The following WDR72 variants were observed in gnomAD, a reference collection of about 807,000 sequenced individuals.
The protein encoded by WDR72 is WD repeat domain 72, also known as WD repeat-containing protein 72.
Under a neutral mutation model 124.2 loss-of-function variants are expected in WDR72, and 120 were observed. The ratio of observed to expected loss-of-function variants is 0.97; its 90% CI spans 0.83 to 1.12. The LOEUF is 1.12. WDR72 is among the 50% of genes most tolerant of loss of function. WDR72 has a pLI of 0.00. For missense variants in WDR72, 1,387 were observed against 1,278.8 expected (o/e 1.08, Z -1.29); for synonymous variants, 452 against 441.7 (o/e 1.02, Z -0.29).
At chr15:53,654,258 A>T (rs1028545580) in intron 14 of WDR72, among the ~76,000 whole-genome samples, 9 of 152,214 alleles carry the variant, frequency 5.9e-5, no homozygotes, top group Non-Finnish European at 2.9e-5. Flanking sequence ...ATGATGTATC[A>T]TTCATACATA....
Position 53,705,209 on chromosome 15 carries a change from G to T in WDR72, c.1127C>A (p.Thr376Asn). 1 of 1,613,674 alleles carries T rather than the reference G, an allele frequency of 6.2e-7. No individual in the cohort carries two copies. Among genetic ancestry groups the T allele is most frequent in the Non-Finnish European group, 8.5e-7 (1 of 1,179,996 alleles). The stretch of plus-strand genomic sequence containing the variant: ...ATGCTTATCAAAATTATCTTGAAGA[G>T]TCCAGGTGGCAGTTACTGGTATCTC... ...PREIPVTATW[T>N]LQDNFDKHDT... is the part of the protein sequence containing the mutation. Residue 376 changes from threonine to asparagine, a missense_variant, in exon 11 of 20, where the codon ACT becomes AAT. Transcript: ENST00000360509.
chr15:53,539,316 T>G (rs534559160), intron 18 of WDR72, among the ~76,000 whole-genome samples: 4 of 152,230 alleles, frequency 2.6e-5, no homozygotes, highest in African/African-American at 9.6e-5. Flanking sequence ...AATATACATT[T>G]ACCTGTAGAA....
At chr15:53,706,193 T>A in intron 9 of WDR72, 119 bp from the exon 10 acceptor site, 2 of 1,147,318 alleles carry the variant, frequency 1.7e-6, no homozygotes, top group South Asian at 2.9e-5. Flanking sequence ...TATTTCCCAC[T>A]CTTTTGACAT....
chr15:53,713,628 T>G (rs1204080547), intron 6 of WDR72, among the ~76,000 whole-genome samples: 2 of 151,686 alleles, frequency 1.3e-5, no homozygotes, highest in Non-Finnish European at 2.9e-5. Context: ...ATTTTTTTTT[T>G]TGTATTTTTA....
At chr15:53,757,054 T>C (rs1435177877) in intron 1 of WDR72, among the ~76,000 whole-genome samples, 1 of 152,186 alleles carries the variant, frequency 6.6e-6, no homozygotes, top group African/African-American at 2.4e-5. Flanking sequence ...AAGATATCTC[T>C]CTCATTTTGA....
intron 14 of WDR72, among the ~76,000 whole-genome samples, chr15:53,629,639 C>T (rs962579780): frequency 6.6e-6 from 1 of 152,114 alleles, no homozygotes; most frequent in Non-Finnish European, 1.5e-5. Context: ...GCAAAAAGAT[C>T]TTGAGAAATA....
intron 14 of WDR72, among the ~76,000 whole-genome samples, chr15:53,654,396 A>C (rs491567): frequency 0.34 from 51,997 of 152,122 alleles, 10,718 homozygotes; most frequent in African/African-American, 0.56. Context: ...AGATTTTATT[A>C]ATTAGTGAAA....
chr15:53,526,539 C>T (rs1441672102), intron 18 of WDR72, among the ~76,000 whole-genome samples: 1 of 152,026 alleles, frequency 6.6e-6, no homozygotes, highest in Non-Finnish European at 1.5e-5. Context: ...ATTCTTCTCA[C>T]CTGTGAAAGT....
chr15:53,738,895 C>T (rs2140630498), intron 1 of WDR72, among the ~76,000 whole-genome samples: 2 of 152,296 alleles, frequency 1.3e-5, no homozygotes, highest in South Asian at 4.1e-4. Context: ...GCGTGAGCCA[C>T]TGTACCCAGC....
chr15:53,673,709 G>T (rs2016070618), intron 13 of WDR72, among the ~76,000 whole-genome samples: 1 of 152,162 alleles, frequency 6.6e-6, no homozygotes, highest in African/African-American at 2.4e-5. Context: ...AGCATATAGG[G>T]CCGGGTGCAG....
intron 13 of WDR72, among the ~76,000 whole-genome samples, chr15:53,690,396 A>G (rs1461612855): frequency 6.6e-6 from 1 of 152,124 alleles, no homozygotes; most frequent in Non-Finnish European, 1.5e-5. Context: ...CATCTTCCCA[A>G]AAGAATCCCC....
At chr15:53,568,153 T>C (rs1300875936) in intron 18 of WDR72, among the ~76,000 whole-genome samples, 3 of 151,166 alleles carry the variant, frequency 2.0e-5, no homozygotes, top group Admixed American at 6.6e-5. Flanking sequence ...TAAAAATAGG[T>C]AAATTTAAAA....
At position 53,613,694 on chromosome 15, in the gene WDR72, C is replaced by T. The variant is rs772379047; in HGVS notation, c.2844G>A (p.Met948Ile). 4 of 1,610,704 alleles carry T rather than the reference C, an allele frequency of 2.5e-6. No individual in the cohort carries two copies. Among genetic ancestry groups the T allele is most frequent in the Non-Finnish European group, 3.4e-6 (4 of 1,178,092 alleles). ...MRGAGNDILN[M>I]SSFYSCLRNG... is the part of the protein sequence containing the mutation. ...TTCGTAAGCAACTGTAGAAGCTTGA[C>T]ATATTTAAAATGTCATTCCCAGCAC... The change falls in exon 16 of 20, where the codon ATG becomes ATA. Residue 948 changes from methionine (M) to isoleucine (I), a missense_variant. Transcript: ENST00000360509.
intron 18 of WDR72, among the ~76,000 whole-genome samples, chr15:53,566,191 G>T (rs1164899328): frequency 1.3e-5 from 2 of 151,944 alleles, no homozygotes; most frequent in Non-Finnish European, 2.9e-5. Context: ...AAGACAAAAT[G>T]AAACAGAGGC....
At chr15:53,604,758 A>C (rs939566355) in intron 17 of WDR72, among the ~76,000 whole-genome samples, 1 of 152,246 alleles carries the variant, frequency 6.6e-6, no homozygotes, top group Admixed American at 6.5e-5. Context: ...GAGAAATGCA[A>C]ATCAAAACCA....
intron 14 of WDR72, among the ~76,000 whole-genome samples, chr15:53,622,767 T>C (rs1010494352): frequency 6.6e-6 from 1 of 151,274 alleles, no homozygotes; most frequent in Non-Finnish European, 1.5e-5. Flanking sequence ...ATCCTGCATA[T>C]GTATCCCAGA....
intron 14 of WDR72, among the ~76,000 whole-genome samples, chr15:53,658,326 T>C (rs878960634): frequency 6.6e-6 from 1 of 152,056 alleles, no homozygotes; most frequent in African/African-American, 2.4e-5. Flanking sequence ...AGAAACCCAA[T>C]CAAAAAATAG....
chr15:53,588,504 G>A (rs551515010), intron 18 of WDR72, among the ~76,000 whole-genome samples: 1 of 152,066 alleles, frequency 6.6e-6, no homozygotes, highest in East Asian at 1.9e-4. Context: ...TTGTTCCAAG[G>A]CTGAAAATTG....
At chr15:53,666,069 G>A (rs1027349834) in intron 13 of WDR72, among the ~76,000 whole-genome samples, 1 of 152,192 alleles carries the variant, frequency 6.6e-6, no homozygotes, top group Non-Finnish European at 1.5e-5. Context: ...AGTTGCAAGT[G>A]ATCAATAACA....
Sources: gnomAD v4.1 joint callset for allele counts (sites outside exome capture counted in the v4.1 genomes callset) on GRCh38, gnomAD v4.1.1 for gene constraint, MANE v1.5 for transcripts, NCBI Gene and HGNC (gene_info 2026-07-23, HGNC 2026-07-21) for gene names.